SCRG1: variants seen among roughly 807,000 people sequenced by gnomAD.
The protein encoded by SCRG1 is stimulator of chondrogenesis 1.
In SCRG1, 3 loss-of-function variants were observed where a neutral mutation model predicts 7.7. That is an observed-to-expected ratio of 0.39 (90% CI 0.18 to 1.01). The LOEUF is 1.01. Ranked by LOEUF, SCRG1 falls within the 50% of genes least tolerant of loss-of-function variation. The pLI, the probability that SCRG1 is intolerant of heterozygous loss-of-function variation, is 0.36. For synonymous variants in SCRG1, 46 were observed against 41.2 expected (o/e 1.12, Z -0.44); for missense variants, 110 against 117.2 (o/e 0.94, Z 0.28).
chr4:173,442,438 C>G, the SCRG1 span, among the ~76,000 whole-genome samples: 1 of 152,200 alleles, frequency 6.6e-6, no homozygotes, highest in Non-Finnish European at 1.5e-5. Context: ...CTTCAAACGA[C>G]TTCAGCTGCT....
chr4:173,427,559 A>C, the SCRG1 span, among the ~76,000 whole-genome samples: 1 of 152,222 alleles, frequency 6.6e-6, no homozygotes, highest in Non-Finnish European at 1.5e-5. Flanking sequence ...GCATAGGGCC[A>C]CACATAGCCT....
At chr4:173,482,810 CCT>C in the SCRG1 span, among the ~76,000 whole-genome samples, 8 of 147,780 alleles carry the variant, frequency 5.4e-5, no homozygotes, top group African/African-American at 1.7e-4. Context: ...AAAGTGAGAC[CCT>C]GTCTCACACA....
chr4:173,443,769 C>G, the SCRG1 span, among the ~76,000 whole-genome samples: 2 of 152,146 alleles, frequency 1.3e-5, no homozygotes, highest in Admixed American at 1.3e-4. Flanking sequence ...TGAGCTCAAA[C>G]AGTCCTCCAC....
the SCRG1 span, among the ~76,000 whole-genome samples, chr4:173,485,065 T>C: frequency 3.7e-4 from 4 of 10,858 alleles, no homozygotes; most frequent in African/African-American, 6.7e-4. Context: ...TTATATATTA[T>C]ATATTATATA....
At chr4:173,506,923 G>A in the SCRG1 span, among the ~76,000 whole-genome samples, 7 of 152,176 alleles carry the variant, frequency 4.6e-5, no homozygotes, top group Admixed American at 3.9e-4. The surrounding 1 kb of genome is among the most constrained non-coding windows in gnomAD (Gnocchi z 5.3). Context: ...CGGGCTCGCT[G>A]TTTTCTCCTC....
At chr4:173,472,639 G>T in the SCRG1 span, among the ~76,000 whole-genome samples, 1 of 152,180 alleles carries the variant, frequency 6.6e-6, no homozygotes, top group African/African-American at 2.4e-5. Flanking sequence ...AGGAAAATCC[G>T]ATGTCCCAGC....
chr4:173,470,406 G>C, the SCRG1 span, among the ~76,000 whole-genome samples: 1 of 152,124 alleles, frequency 6.6e-6, no homozygotes, highest in African/African-American at 2.4e-5. Context: ...CGGCTCACAG[G>C]TAACTGAGTG....
At chr4:173,424,189 G>T in the SCRG1 span, among the ~76,000 whole-genome samples, 938 of 152,254 alleles carry the variant, frequency 6.2e-3, 2 homozygotes, top group Non-Finnish European at 8.7e-3. Flanking sequence ...AAAAACTTGA[G>T]CAGACCACAA....
the SCRG1 span, among the ~76,000 whole-genome samples, chr4:173,495,237 TCAG>T: frequency 6.6e-6 from 1 of 152,248 alleles, no homozygotes; most frequent in Non-Finnish European, 1.5e-5. Context: ...CATTATCCAT[TCAG>T]TGCCTTATAC....
At chr4:173,494,106 A>G in the SCRG1 span, among the ~76,000 whole-genome samples, 1 of 152,134 alleles carries the variant, frequency 6.6e-6, no homozygotes, top group Non-Finnish European at 1.5e-5. Context: ...AAGTACGCAT[A>G]TACTTGGTTA....
At chr4:173,485,594 C>G in the SCRG1 span, among the ~76,000 whole-genome samples, 1 of 152,098 alleles carries the variant, frequency 6.6e-6, no homozygotes, top group East Asian at 1.9e-4. Flanking sequence ...TTATACCATA[C>G]TATCTAACCA....
At chr4:173,430,390 G>A in the SCRG1 span, among the ~76,000 whole-genome samples, 1 of 152,100 alleles carries the variant, frequency 6.6e-6, no homozygotes, top group Admixed American at 6.5e-5. Flanking sequence ...CCCCTAATAT[G>A]AGTGACTAAA....
At position 173,391,296 on chromosome 4, in the gene SCRG1, T is replaced by C; in HGVS notation, c.119A>G (p.Asn40Ser). 5 of 1,614,100 alleles carry C rather than the reference T, an allele frequency of 3.1e-6. No homozygotes were observed. The highest frequency in any genetic ancestry group is 4.2e-6 in the Non-Finnish European group (5 of 1,180,010). Reference sequence around the variant, plus strand: ...CAGGTCAGCTACTCCTTCCGGAAGGTTGTGACAGTTGTGATCTTTTAGTAT... The same window carrying C: ...CAGGTCAGCTACTCCTTCCGGAAGGCTGTGACAGTTGTGATCTTTTAGTAT... ...RKILKDHNCH[N>S]LPEGVADLTQ... The change falls in exon 2 of 3, where the codon AAC becomes AGC. Residue 40 changes from asparagine (N) to serine (S), a missense_variant. By Grantham distance (46) the Asn-to-Ser change is conservative. Transcript: ENST00000296506.
the SCRG1 span, among the ~76,000 whole-genome samples, chr4:173,433,344 A>G: frequency 6.6e-6 from 1 of 152,324 alleles, no homozygotes; most frequent in African/African-American, 2.4e-5. Flanking sequence ...CCAAATTGTA[A>G]AGATAGTTCT....
chr4:173,399,976 A>G (rs1739718045), upstream of SCRG1, among the ~76,000 whole-genome samples: 1 of 152,204 alleles, frequency 6.6e-6, no homozygotes, highest in Non-Finnish European at 1.5e-5. Context: ...TTTGGCTAAA[A>G]CCAAAGGTGG....
At chr4:173,474,412 G>A in the SCRG1 span, among the ~76,000 whole-genome samples, 1 of 152,070 alleles carries the variant, frequency 6.6e-6, no homozygotes, top group Non-Finnish European at 1.5e-5. Flanking sequence ...TTGTGGATGG[G>A]GAGACAGAAC....
At chr4:173,482,345 C>G in the SCRG1 span, among the ~76,000 whole-genome samples, 1 of 152,100 alleles carries the variant, frequency 6.6e-6, no homozygotes, top group East Asian at 1.9e-4. Context: ...TCCACAAATT[C>G]CCCTGAAATT....
At chr4:173,515,755 T>C in the SCRG1 span, among the ~76,000 whole-genome samples, 35 of 152,052 alleles carry the variant, frequency 2.3e-4, no homozygotes, top group Non-Finnish European at 4.4e-4. This position sits in a 1 kb window ranked among gnomAD's most constrained non-coding sequence, Gnocchi z 4.6. Context: ...TTATCTTAGT[T>C]CTCAGGTTTC....
the SCRG1 span, among the ~76,000 whole-genome samples, chr4:173,488,159 A>G: frequency 0.066 from 10,011 of 152,082 alleles, 1,114 homozygotes; most frequent in African/African-American, 0.23. Context: ...TTTTCTTGTT[A>G]GTGGCAGAGC....
Sources: allele counts gnomAD v4.1 joint callset (sites outside exome capture counted in the v4.1 genomes callset), GRCh38; gene constraint gnomAD v4.1.1; non-coding constraint Gnocchi (gnomAD v3.1); transcripts MANE v1.5; gene names NCBI Gene and HGNC (gene_info 2026-07-23, HGNC 2026-07-21).